UNC80: variants seen among roughly 807,000 people sequenced by gnomAD.
The protein encoded by UNC80 is protein unc-80 homolog.
Under a neutral mutation model 384.6 loss-of-function variants are expected in UNC80, and 164 were observed. The observed-to-expected ratio is 0.43, with a 90% CI of 0.38 to 0.49. The LOEUF (loss-of-function observed/expected upper bound fraction) is 0.49. Among genes scored for constraint, UNC80 ranks in the 20% least tolerant of loss-of-function variants. The pLI, the probability that UNC80 is intolerant of heterozygous loss-of-function variation, is 0.00. For synonymous variants in UNC80, 1,486 were observed against 1,527.8 expected, an observed-to-expected ratio of 0.97 and a Z score of 0.64; for missense variants, 3,330 against 4,143.0, an observed-to-expected ratio of 0.80 and a Z score of 5.39.
intron 4 of UNC80, among the ~76,000 whole-genome samples, chr2:209,780,748 T>C (rs1223094107): frequency 6.6e-6 from 1 of 152,032 alleles, no homozygotes; most frequent in Non-Finnish European, 1.5e-5. Context: ...CTTACATCTT[T>C]CATTTGCCTG....
At chr2:209,815,154 G>A (rs2153827404) in intron 8 of UNC80, 103 bp from the exon 9 acceptor site, 1 of 1,152,690 alleles carries the variant, frequency 8.7e-7, no homozygotes, top group East Asian at 2.6e-5. Context: ...GTTCAAAGAT[G>A]TCAAAGCTAT....
intron 13 of UNC80, among the ~76,000 whole-genome samples, chr2:209,824,150 AAATCC>A (rs762534306): frequency 3.9e-5 from 6 of 152,176 alleles, no homozygotes; most frequent in Non-Finnish European, 8.8e-5. Flanking sequence ...AAAAAATCTG[AAATCC>A]AAAATACTTC....
intron 7 of UNC80, among the ~76,000 whole-genome samples, chr2:209,804,697 A>T (rs1412879364): frequency 6.6e-6 from 1 of 151,424 alleles, no homozygotes; most frequent in African/African-American, 2.4e-5. Context: ...ATATATATGT[A>T]AAAAAGTTAT....
intron 7 of UNC80, chr2:209,809,198 A>C: frequency 1.5e-6 from 1 of 664,614 alleles, no homozygotes; most frequent in Non-Finnish European, 2.8e-6. Context: ...GTGTGCAAGC[A>C]GCTGGCCCAG....
chr2:209,780,402 G>A (rs762630025), intron 4 of UNC80, among the ~76,000 whole-genome samples: 5 of 152,170 alleles, frequency 3.3e-5, no homozygotes, highest in East Asian at 1.9e-4. Context: ...TCTTGAAGCT[G>A]TAGAGAATAA....
At chr2:209,863,993 C>G (rs1210732341) in intron 22 of UNC80, among the ~76,000 whole-genome samples, 1 of 151,924 alleles carries the variant, frequency 6.6e-6, no homozygotes, top group African/African-American at 2.4e-5. Flanking sequence ...GTCTTTGAGG[C>G]TGCTGACCCT....
chr2:209,880,992 CT>C lies in UNC80; in HGVS notation c.4011del (p.Phe1337LeufsTer3). On this transcript the variant is annotated frameshift_variant, in exon 25 of 65. Transcript: ENST00000673920. LOFTEE classifies it high-confidence loss of function. ...TGAACCCCTCTAAATGCGGTTGCCCCTTTGCCTTGAAGATGGCAGCATGTCA... is the reference window on the plus strand; with the variant it reads ...TGAACCCCTCTAAATGCGGTTGCCCCTTGCCTTGAAGATGGCAGCATGTCA... ...TVNPSKCGCP[F>X]ALKMAACQLL... The C allele has an allele frequency of 1.3e-6, 2 of 1,552,072 alleles. No individual in the cohort carries two copies. The highest frequency in any genetic ancestry group is 1.7e-6 in the Non-Finnish European group (2 of 1,147,066).
chr2:209,959,065 A>G (rs2092507833), intron 49 of UNC80, 54 bp from the exon 50 acceptor site: 1 of 1,516,928 alleles, frequency 6.6e-7, no homozygotes, highest in Non-Finnish European at 9.0e-7. Flanking sequence ...AGCCCCAACC[A>G]AAGGACCCCG....
In UNC80 at chr2:209,894,289, A is replaced by C. The variant is rs1414052326; in HGVS notation, c.4403A>C (p.Lys1468Thr). The change falls in exon 27 of 65, where the codon AAG (lysine) becomes ACG (threonine). Residue 1468 changes from lysine (K) to threonine (T), a missense_variant. This residue lies in a region of UNC80 where 801 missense variants were observed against 950.8 expected (regional missense o/e 0.84). Coordinates refer to ENST00000673920, the MANE Select transcript of UNC80 (RefSeq NM_001371986.1). ...IRRVGSLKSS[K>T]LSRQDSESEA... ...CGGGTCGGCAGCTTAAAGAGCAGCA[A>C]GTTATCACGGCAGGACTCAGAGTCT... The C allele has an allele frequency of 1.2e-5, 12 of 985,388 alleles. No homozygotes were observed. In the South Asian group the frequency reaches 5.6e-4, roughly 46 times the overall value. 61.0% of individuals were successfully genotyped at this position (985,388 alleles called of 1,614,324 possible).
At chr2:209,938,708 CTCTGTGTGTG>C (rs2091420768) in intron 42 of UNC80, among the ~76,000 whole-genome samples, 2 of 138,230 alleles carry the variant, frequency 1.4e-5, no homozygotes, top group East Asian at 2.1e-4. Context: ...CTCTCTCTCT[CTCTGTGTGTG>C]TGTGTGTGTG....
At chr2:209,961,620 A>G (rs1291601842) in intron 51 of UNC80, among the ~76,000 whole-genome samples, 2 of 152,212 alleles carry the variant, frequency 1.3e-5, no homozygotes, top group African/African-American at 4.8e-5. Context: ...TTATTCATGA[A>G]CCATAAATTT....
At position 209,945,131 on chromosome 2, in the gene UNC80, C is replaced by T; in HGVS notation, c.7131C>T (p.Thr2377=). The T allele has an allele frequency of 1.3e-6, 2 of 1,551,388 alleles. No homozygotes were observed. Among genetic ancestry groups the T allele is most frequent in the South Asian group, 1.2e-5 (1 of 84,028 alleles). The change falls in exon 46 of 65, where the codon ACC becomes ACT. Residue 2377 remains threonine, a synonymous_variant. Transcript: ENST00000673920. ...FDLLQSLEGE[T]TDILDILELV... is the part of the protein sequence containing the mutation. Reference sequence around the variant, plus strand: ...TGCTGCAGTCCCTAGAGGGAGAGACCACCGACATATTAGACATCTTAGAGC... The same window carrying T: ...TGCTGCAGTCCCTAGAGGGAGAGACTACCGACATATTAGACATCTTAGAGC...
intron 28 of UNC80, among the ~76,000 whole-genome samples, chr2:209,902,784 C>T (rs2087564793): frequency 6.6e-6 from 1 of 152,096 alleles, no homozygotes; most frequent in South Asian, 2.1e-4. Flanking sequence ...ATAGTGTAAA[C>T]ATGATTTTTA....
chr2:209,840,524 G>C lies in UNC80; in HGVS notation c.3251-18G>C, dbSNP rs2081659837. 1 of 1,543,104 alleles carries C rather than the reference G, an allele frequency of 6.5e-7. No homozygotes were observed. The highest frequency in any genetic ancestry group is 8.8e-7 in the Non-Finnish European group (1 of 1,139,236). Reference sequence around the variant, plus strand: ...TAGAAAATGCTACATTGATCTAAGTGATTTAACTATTAAATAGGGAACTGG... The same window carrying C: ...TAGAAAATGCTACATTGATCTAAGTCATTTAACTATTAAATAGGGAACTGG... On this transcript the variant is annotated intron_variant, in intron 19 of 64. Transcript: ENST00000673920.
At chr2:209,910,506 A>C (rs1295035331) in intron 29 of UNC80, among the ~76,000 whole-genome samples, 1 of 152,068 alleles carries the variant, frequency 6.6e-6, no homozygotes, top group African/African-American at 2.4e-5. Flanking sequence ...TTCCACTAAA[A>C]CAAGCACCCT....
At chr2:209,958,242 A>T (rs1488820024) in intron 49 of UNC80, among the ~76,000 whole-genome samples, 1 of 152,168 alleles carries the variant, frequency 6.6e-6, no homozygotes. Flanking sequence ...TGGCTATACT[A>T]GTTAATATTT....
At chr2:209,891,009 AC>A (rs201117532) in intron 26 of UNC80, among the ~76,000 whole-genome samples, 1,948 of 152,314 alleles carry the variant, frequency 0.013, 42 homozygotes, top group African/African-American at 0.044. Flanking sequence ...GAACATCTGC[AC>A]ATTTGCTAGA....
Position 209,825,757 on chromosome 2 carries a change from T to G in UNC80, c.2332-150T>G, listed in dbSNP as rs1361431558. ...TAAATTTTAGAAAACTGAGCGTGTTTGTTGAGCCCGTTACAATTCTGTTTT... is the reference window on the plus strand; with the variant it reads ...TAAATTTTAGAAAACTGAGCGTGTTGGTTGAGCCCGTTACAATTCTGTTTT... On this transcript the variant is annotated intron_variant, in intron 13 of 64. Coordinates refer to ENST00000673920, the MANE Select transcript of UNC80 (RefSeq NM_001371986.1). 4 of 659,302 alleles carry G rather than the reference T, an allele frequency of 6.1e-6. No homozygotes were observed. The Admixed American group carries it at 1.6e-4, about 26-fold the overall frequency. 40.8% of individuals were successfully genotyped at this position (659,302 alleles called of 1,614,324 possible).
Position 209,894,385 on chromosome 2 carries a change from G to A in UNC80, c.4480+19G>A. 6 of 984,414 alleles carry A rather than the reference G, an allele frequency of 6.1e-6. No individual in the cohort carries two copies. The highest frequency in any genetic ancestry group is 7.2e-6 in the Non-Finnish European group (6 of 829,066). 61.0% of individuals were successfully genotyped at this position (984,414 alleles called of 1,614,324 possible). On this transcript the variant is annotated intron_variant, in intron 27 of 64. Coordinates refer to ENST00000673920, the MANE Select transcript of UNC80 (RefSeq NM_001371986.1). ...GACCTAGGTAACATAGAGGAGTGGG[G>A]TGTGCAGGGACGTGGGGGGTAGGAA...
Sources: gnomAD v4.1 joint callset for allele counts (sites outside exome capture counted in the v4.1 genomes callset) on GRCh38, gnomAD v4.1.1 for gene constraint, gnomAD v4.1.1 regional missense constraint, MANE v1.5 for transcripts, NCBI Gene and HGNC (gene_info 2026-07-23, HGNC 2026-07-21) for gene names.